Variants in ZNF804A observed in about 807,000 individuals in gnomAD.
ZNF804A encodes zinc finger protein 804A.
ZNF804A carries 2 observed loss-of-function variants against 16.5 expected under a neutral mutation model. The ratio of observed to expected loss-of-function variants is 0.12; its 90% CI spans 0.05 to 0.38. ZNF804A has a LOEUF of 0.38. ZNF804A is among the 10% of genes least tolerant of loss of function. The pLI is 0.99. For missense variants in ZNF804A, 1,473 were observed against 1,390.7 expected, an observed-to-expected ratio of 1.06 and a Z score of -0.94; for synonymous variants, 534 against 489.6, an observed-to-expected ratio of 1.09 and a Z score of -1.20.
chr2:184,632,085 A>T (rs915987663), intron 1 of ZNF804A, among the ~76,000 whole-genome samples: 1 of 152,200 alleles, frequency 6.6e-6, no homozygotes, highest in Non-Finnish European at 1.5e-5. Flanking sequence ...ATAGATTTTC[A>T]TACTGATGTT....
chr2:184,777,629 C>T (rs1574207709), intron 1 of ZNF804A, among the ~76,000 whole-genome samples: 2 of 151,512 alleles, frequency 1.3e-5, no homozygotes, highest in East Asian at 3.9e-4. Context: ...CTCATACAAC[C>T]ATTCAAAATT....
intron 2 of ZNF804A, among the ~76,000 whole-genome samples, chr2:184,896,511 T>C (rs1013839391): frequency 1.2e-4 from 18 of 152,260 alleles, no homozygotes; most frequent in African/African-American, 4.1e-4. Flanking sequence ...AAATAAAAGC[T>C]CTGGTATCTT....
intron 2 of ZNF804A, among the ~76,000 whole-genome samples, chr2:184,889,045 T>C (rs927849196): frequency 2.6e-5 from 4 of 152,100 alleles, no homozygotes; most frequent in Non-Finnish European, 4.4e-5. Flanking sequence ...GACATCATTT[T>C]GCCCTCCACA....
At chr2:184,933,198 T>A (rs1407142392) in intron 2 of ZNF804A, among the ~76,000 whole-genome samples, 3 of 151,892 alleles carry the variant, frequency 2.0e-5, no homozygotes, top group Non-Finnish European at 4.4e-5. Context: ...TCTAATATAC[T>A]GTACATCAAA....
intron 1 of ZNF804A, among the ~76,000 whole-genome samples, chr2:184,633,219 C>CTATA (rs1472650651): frequency 3.9e-5 from 6 of 152,154 alleles, no homozygotes; most frequent in Non-Finnish European, 8.8e-5. Context: ...CTCTACCCTG[C>CTATA]TATAATCTCT....
chr2:184,653,448 A>G (rs1261886837), intron 1 of ZNF804A, among the ~76,000 whole-genome samples: 17 of 152,240 alleles, frequency 1.1e-4, no homozygotes, highest in Admixed American at 1.0e-3. Context: ...ACTCAGGGAC[A>G]TAAGGCAGAA....
intron 1 of ZNF804A, among the ~76,000 whole-genome samples, chr2:184,726,102 C>A (rs78639711): frequency 0.017 from 2,530 of 151,760 alleles, 86 homozygotes; most frequent in African/African-American, 0.056. Flanking sequence ...CAATAATATA[C>A]ATGCTTTTGT....
chr2:184,751,140 A>G (rs1241811624), intron 1 of ZNF804A, among the ~76,000 whole-genome samples: 1 of 151,478 alleles, frequency 6.6e-6, no homozygotes, highest in Non-Finnish European at 1.5e-5. Context: ...TCAACACGTG[A>G]GTGCAGATAT....
At chr2:184,827,050 A>T (rs988087436) in intron 1 of ZNF804A, among the ~76,000 whole-genome samples, 1 of 151,984 alleles carries the variant, frequency 6.6e-6, no homozygotes, top group Non-Finnish European at 1.5e-5. Context: ...ACTTAAGAAA[A>T]CATAGTAGTT....
chr2:184,740,030 T>C (rs898057849), intron 1 of ZNF804A, among the ~76,000 whole-genome samples: 3 of 149,246 alleles, frequency 2.0e-5, no homozygotes, highest in African/African-American at 5.2e-5. Context: ...TTCTGTATTT[T>C]AGTCAACCAT....
intron 1 of ZNF804A, among the ~76,000 whole-genome samples, chr2:184,599,299 C>T (rs1691009817): frequency 6.6e-6 from 1 of 152,160 alleles, no homozygotes; most frequent in African/African-American, 2.4e-5. Context: ...CACCTCACTC[C>T]ATTAAGCTGA....
chr2:184,912,279 A>G (rs2105832500), intron 2 of ZNF804A, among the ~76,000 whole-genome samples: 1 of 152,138 alleles, frequency 6.6e-6, no homozygotes, highest in East Asian at 1.9e-4. Context: ...TATTTCCCAT[A>G]CAATACAATT....
rs201683418 is a variant in ZNF804A at position 184,933,690 on chromosome 2, C to A, written c.343C>A (p.Gln115Lys). 8.7e-6 allele frequency: 14 copies of A among 1,609,766 alleles called. No individual in the cohort carries two copies. Among genetic ancestry groups the A allele is most frequent in the Middle Eastern group, 3.3e-4 (2 of 6,074 alleles). ...KDERKQEKAL[Q>K]RLHKLAELRK... Reference sequence around the variant, plus strand: ...TGAAAGAAAACAGGAAAAGGCACTCCAACGCCTGCACAAGCTGGCTGAGCT... The same window carrying A: ...TGAAAGAAAACAGGAAAAGGCACTCAAACGCCTGCACAAGCTGGCTGAGCT... The change falls in exon 3 of 4, where the codon CAA becomes AAA. Residue 115 changes from glutamine to lysine, a missense_variant. Physicochemically the swap from Gln to Lys is moderately conservative, Grantham distance 53. Transcript: ENST00000302277.
intron 1 of ZNF804A, among the ~76,000 whole-genome samples, chr2:184,647,746 C>A (rs1046711116): frequency 2.0e-5 from 3 of 151,880 alleles, no homozygotes; most frequent in Non-Finnish European, 4.4e-5. Context: ...TGTAAAGTGA[C>A]CAATCTTACA....
intron 1 of ZNF804A, among the ~76,000 whole-genome samples, chr2:184,831,058 A>G (rs1394242483): frequency 1.3e-5 from 2 of 152,146 alleles, no homozygotes; most frequent in Non-Finnish European, 2.9e-5. Flanking sequence ...AAACACTGGT[A>G]TATTTCATAA....
At chr2:184,752,437 T>C (rs534590742) in intron 1 of ZNF804A, among the ~76,000 whole-genome samples, 2 of 151,644 alleles carry the variant, frequency 1.3e-5, no homozygotes, top group East Asian at 1.9e-4. Context: ...TGAGTACACA[T>C]GGACATAAAG....
intron 1 of ZNF804A, among the ~76,000 whole-genome samples, chr2:184,808,515 G>T (rs1328639700): frequency 6.6e-6 from 1 of 151,454 alleles, no homozygotes; most frequent in Non-Finnish European, 1.5e-5. Context: ...TCAACATTCA[G>T]ATTTAGAATA....
At chr2:184,648,109 A>C (rs1161990258) in intron 1 of ZNF804A, among the ~76,000 whole-genome samples, 1 of 150,882 alleles carries the variant, frequency 6.6e-6, no homozygotes, top group East Asian at 1.9e-4. Context: ...AAATAATTTT[A>C]AGAAAAGAAA....
At chr2:184,626,495 C>T (rs1421309275) in intron 1 of ZNF804A, among the ~76,000 whole-genome samples, 4 of 152,006 alleles carry the variant, frequency 2.6e-5, no homozygotes, top group Admixed American at 6.6e-5. Context: ...TTTTCTTAGC[C>T]ATATAGATAT....
Sources: gnomAD v4.1 joint callset for allele counts (sites outside exome capture counted in the v4.1 genomes callset) on GRCh38, gnomAD v4.1.1 for gene constraint, MANE v1.5 for transcripts, NCBI Gene and HGNC (gene_info 2026-07-23, HGNC 2026-07-21) for gene names.